Variants in RP1 observed in about 807,000 individuals in gnomAD.
RP1 encodes RP1 axonemal microtubule associated.
Under a neutral mutation model 14.8 loss-of-function variants are expected in RP1, and 16 were observed. That is an observed-to-expected ratio of 1.08 (90% CI 0.73 to 1.65). The LOEUF (loss-of-function observed/expected upper bound fraction) is 1.65. Ranked by LOEUF, RP1 falls within the 40% of genes most tolerant of loss-of-function variation. RP1 has a pLI of 0.00. For missense variants in RP1, 2,631 were observed against 2,535.0 expected, an observed-to-expected ratio of 1.04 and a Z score of -0.81; for synonymous variants, 876 against 883.6, an observed-to-expected ratio of 0.99 and a Z score of 0.15.
intron 19 of RP1, among the ~76,000 whole-genome samples, chr8:54,744,914 A>G (rs1476473242): frequency 6.6e-6 from 1 of 152,202 alleles, no homozygotes; most frequent in Non-Finnish European, 1.5e-5. Context: ...TTTTAAATAC[A>G]TAGATTTCAG....
chr8:54,583,936 CT>C (rs1430825226), intron 1 of RP1, among the ~76,000 whole-genome samples: 1 of 152,104 alleles, frequency 6.6e-6, no homozygotes, highest in African/African-American at 2.4e-5. Flanking sequence ...TTTTGTTGAT[CT>C]TTTCAAAAAA....
At chr8:54,663,485 C>G (rs1408993773) in intron 6 of RP1, among the ~76,000 whole-genome samples, 1 of 152,042 alleles carries the variant, frequency 6.6e-6, no homozygotes, top group African/African-American at 2.4e-5. Context: ...TTGTTAATCT[C>G]TTATGGTGCC....
intron 24 of RP1, among the ~76,000 whole-genome samples, chr8:54,820,461 A>G (rs1469887381): frequency 6.6e-6 from 1 of 151,978 alleles, no homozygotes; most frequent in African/African-American, 2.4e-5. Context: ...TCGAGTTTCT[A>G]TTGCTGGGGT....
At chr8:54,683,407 GCATGA>G (rs1326615769) in intron 12 of RP1, among the ~76,000 whole-genome samples, 1 of 152,024 alleles carries the variant, frequency 6.6e-6, no homozygotes, top group African/African-American at 2.4e-5. Flanking sequence ...GTGGCCATTT[GCATGA>G]TATTGATTCT....
At chr8:54,663,754 A>C in exon 7 of RP1, 2 of 1,535,202 alleles carry the variant, frequency 1.3e-6, no homozygotes, top group Non-Finnish European at 1.7e-6. Flanking sequence ...CTGGAACAGT[A>C]GCAAACGTCT....
intron 24 of RP1, among the ~76,000 whole-genome samples, chr8:54,817,317 G>A (rs1285875176): frequency 2.0e-5 from 3 of 152,192 alleles, no homozygotes; most frequent in African/African-American, 4.8e-5. Flanking sequence ...AAGAAGATCA[G>A]GTTAGGGTTG....
chr8:54,634,946 G>A (rs1446766476), downstream of RP1, among the ~76,000 whole-genome samples: 5 of 152,172 alleles, frequency 3.3e-5, no homozygotes, highest in East Asian at 9.7e-4. Context: ...GCCAGGTTTG[G>A]TGGTGGGCAC....
chr8:54,846,835 G>C (rs1290547241), intron 25 of RP1, among the ~76,000 whole-genome samples: 1 of 152,102 alleles, frequency 6.6e-6, no homozygotes, highest in Non-Finnish European at 1.5e-5. Flanking sequence ...GTTTGTCTTT[G>C]GGAGTCACCT....
In RP1 at chr8:54,861,688, C is replaced by A. The variant is rs559993594; in HGVS notation, c.4070-4147C>A. Among the ~76,000 whole-genome samples the A allele has an allele frequency of 2.2e-4, 33 of 152,170 alleles. No homozygotes were observed. The Middle Eastern group carries it at 0.01, about 47-fold the overall frequency. ...TGTGATCTTGGCTTACTGCAACCTC[C>A]ATCTCCTGGGTTCAAGCAATGCTTC... On this transcript the variant is annotated intron_variant, in intron 27 of 28. Coordinates refer to the RP1 transcript ENST00000637698.
intron 27 of RP1, among the ~76,000 whole-genome samples, chr8:54,863,759 C>T (rs1812401542): frequency 6.6e-6 from 1 of 152,214 alleles, no homozygotes; most frequent in Non-Finnish European, 1.5e-5. Context: ...TTTCAGCTAC[C>T]ATGCTGTAGT....
intron 21 of RP1, among the ~76,000 whole-genome samples, chr8:54,756,057 A>G (rs1809498465): frequency 6.6e-6 from 1 of 152,218 alleles, no homozygotes; most frequent in South Asian, 2.1e-4. Flanking sequence ...CAAGGAAAAT[A>G]TTTATGAATG....
intron 1 of RP1, among the ~76,000 whole-genome samples, chr8:54,600,242 C>G (rs1805244042): frequency 6.6e-6 from 1 of 152,258 alleles, no homozygotes; most frequent in East Asian, 1.9e-4. Context: ...CTGTCTCTTG[C>G]CTGCCATAAT....
At chr8:54,605,358 T>A (rs1805405779) in intron 1 of RP1, among the ~76,000 whole-genome samples, 1 of 152,166 alleles carries the variant, frequency 6.6e-6, no homozygotes, top group Admixed American at 6.5e-5. Context: ...TTTGAGTGAG[T>A]TTCTTAATCC....
At chr8:54,610,217 C>T (rs1301158661) in intron 1 of RP1, among the ~76,000 whole-genome samples, 2 of 152,174 alleles carry the variant, frequency 1.3e-5, no homozygotes, top group African/African-American at 4.8e-5. Flanking sequence ...TCATCACTAC[C>T]TCCTTTTGAA....
At position 54,696,550 on chromosome 8, in the gene RP1, A is replaced by C. The variant is rs577310831; in HGVS notation, c.1718-2917A>C. 1.1e-4 allele frequency: 81 copies of C among 745,898 alleles called. 1 individual carries two copies. The South Asian group carries it at 1.2e-3, about 11-fold the overall frequency. The allele number at this position is 745,898 out of a possible 1,614,324, so 46.2% of individuals were successfully genotyped here. ...AAGGAAAAGGGCTCAGGTTTAAGTG[A>C]CTGGAATTATTCCTACATGACTCCT... On this transcript the variant is annotated intron_variant, in intron 12 of 22. Coordinates refer to the RP1 transcript ENST00000636932.
intron 13 of RP1, among the ~76,000 whole-genome samples, chr8:54,700,468 G>T (rs551069881): frequency 3.4e-4 from 52 of 152,116 alleles, no homozygotes; most frequent in African/African-American, 1.2e-3. Flanking sequence ...CAGTCAGTCA[G>T]ATTTTTCCAT....
intron 15 of RP1, among the ~76,000 whole-genome samples, chr8:54,710,225 T>C (rs1458785504): frequency 6.6e-6 from 1 of 152,220 alleles, no homozygotes; most frequent in Non-Finnish European, 1.5e-5. Context: ...CCCATTTTAC[T>C]TAGCCTGCCC....
chr8:54,581,584 G>A (rs1246097669), intron 1 of RP1, among the ~76,000 whole-genome samples: 2 of 152,158 alleles, frequency 1.3e-5, no homozygotes, highest in Non-Finnish European at 2.9e-5. Context: ...TCACCACACT[G>A]ACTTCCACAA....
At chr8:54,835,114 G>T (rs1439356623) in intron 24 of RP1, among the ~76,000 whole-genome samples, 4 of 151,314 alleles carry the variant, frequency 2.6e-5, no homozygotes, top group African/African-American at 7.3e-5. Context: ...TCCTTTTTTT[G>T]TGTGTTTTCA....
Sources: gnomAD v4.1 joint callset for allele counts (sites outside exome capture counted in the v4.1 genomes callset) on GRCh38, gnomAD v4.1.1 for gene constraint, MANE v1.5 for transcripts, NCBI Gene and HGNC (gene_info 2026-07-23, HGNC 2026-07-21) for gene names.